Variants in AKR1C3 observed in about 807,000 individuals in gnomAD.
AKR1C3 encodes the protein 3-alpha hydroxysteroid dehydrogenase, type II.
In AKR1C3, 48 loss-of-function variants were observed where a neutral mutation model predicts 43.6. That is an observed-to-expected ratio of 1.10 (90% CI 0.87 to 1.40). The LOEUF (loss-of-function observed/expected upper bound fraction) is 1.40, where lower values mean the gene tolerates loss of function less well. Among genes scored for constraint, AKR1C3 ranks in the 40% most tolerant of loss-of-function variants. The pLI is 0.00. For synonymous variants in AKR1C3, 162 were observed against 139.6 expected, an observed-to-expected ratio of 1.16 and a Z score of -1.13; for missense variants, 482 against 391.2, an observed-to-expected ratio of 1.23 and a Z score of -1.96.
At chr10:5,105,358 T>C in intron 7 of AKR1C3, 1 of 334,056 alleles carries the variant, frequency 3.0e-6, no homozygotes, top group Admixed American at 4.4e-5. Flanking sequence ...CATTTTCTGT[T>C]GAAATTTTCT....
intron 1 of AKR1C3, among the ~76,000 whole-genome samples, chr10:5,071,923 A>G (rs1217603857): frequency 1.3e-5 from 2 of 152,178 alleles, no homozygotes; most frequent in African/African-American, 2.4e-5. Context: ...GTCATCTTGC[A>G]TAGATCATAG....
At chr10:5,079,950 G>A (rs1485414927) in intron 1 of AKR1C3, among the ~76,000 whole-genome samples, 1 of 152,226 alleles carries the variant, frequency 6.6e-6, no homozygotes, top group African/African-American at 2.4e-5. Context: ...AGGGGTATCT[G>A]CATGGTATGC....
In AKR1C3 at chr10:5,075,372, G is replaced by A. The variant is rs529182653; in HGVS notation, c.85-21038G>A. 6.0e-4 allele frequency among the ~76,000 whole-genome samples: 91 copies of A among 152,146 alleles called. No homozygotes were observed. The South Asian group carries it at 0.018, about 31-fold the overall frequency. On this transcript the variant is annotated intron_variant, in intron 1 of 8. Coordinates refer to the AKR1C3 transcript ENST00000439082. Reference sequence around the variant, plus strand: ...TCCCTTGGCCCCCACCAGCATGATCGCTCTCCCACAGAAAGACCCAAATTA... The same window carrying A: ...TCCCTTGGCCCCCACCAGCATGATCACTCTCCCACAGAAAGACCCAAATTA...
rs781884723 is a variant in AKR1C3, at chr10:5,096,398, T to A, written c.85-12T>A. 10 of 1,611,440 alleles carry A rather than the reference T, an allele frequency of 6.2e-6. No homozygotes were observed. Among genetic ancestry groups the A allele is most frequent in the Non-Finnish European group, 4.2e-6 (5 of 1,178,454 alleles). ...AGTGATCACCAGATACTACCTTTGG[T>A]TGCTCCTCCAGGTTCCGAGAAGTAA... On this transcript the variant is annotated splice_polypyrimidine_tract_variant and intron_variant, in intron 1 of 8. Transcript: ENST00000380554.
rs372480740 is a variant in AKR1C3 at position 5,099,305 on chromosome 10, C to T, written c.448-22C>T. The T allele has an allele frequency of 6.5e-5, 105 of 1,613,796 alleles. 1 individual carries two copies. The highest frequency in any genetic ancestry group is 1.7e-4 in the Middle Eastern group (1 of 6,012). On this transcript the variant is annotated intron_variant, in intron 4 of 8. Coordinates refer to ENST00000380554, the MANE Select transcript of AKR1C3 (RefSeq NM_003739.6). The stretch of plus-strand genomic sequence containing the variant: ...TTGCAGCCAACTGCACAAATAATTC[C>T]TCACAACCCCTTTCTCCACAGGCCA...
chr10:5,094,275 C>A, upstream of AKR1C3: 2 of 497,462 alleles, frequency 4.0e-6, no homozygotes, highest in Admixed American at 3.6e-5. Flanking sequence ...GAACTGAATG[C>A]AATTTTCTCC....
At chr10:5,051,264 T>A (rs1302592167) in intron 1 of AKR1C3, among the ~76,000 whole-genome samples, 1 of 152,062 alleles carries the variant, frequency 6.6e-6, no homozygotes, top group Admixed American at 6.6e-5. Context: ...CTCGCCTAAT[T>A]TTTGTATTTT....
chr10:5,086,070 T>C, intron 1 of AKR1C3, among the ~76,000 whole-genome samples: 1 of 151,996 alleles, frequency 6.6e-6, no homozygotes, highest in East Asian at 1.9e-4. Context: ...TGTGTCTCTA[T>C]TTCCTTCAGT....
At chr10:5,060,924 CA>C (rs1816365152) in intron 1 of AKR1C3, among the ~76,000 whole-genome samples, 1 of 152,232 alleles carries the variant, frequency 6.6e-6, no homozygotes, top group South Asian at 2.1e-4. Context: ...GCGGGCTGGC[CA>C]GCTGCTCCAA....
intron 1 of AKR1C3, among the ~76,000 whole-genome samples, chr10:5,061,579 G>A (rs1838384243): frequency 6.6e-6 from 1 of 152,156 alleles, no homozygotes; most frequent in African/African-American, 2.4e-5. Context: ...GCAACATTTT[G>A]GGATAATTAT....
At chr10:5,058,737 A>T (rs980784996) in intron 1 of AKR1C3, among the ~76,000 whole-genome samples, 20 of 152,176 alleles carry the variant, frequency 1.3e-4, no homozygotes, top group Admixed American at 3.3e-4. Flanking sequence ...TTTTCCTCCC[A>T]GACCACATGG....
intron 1 of AKR1C3, among the ~76,000 whole-genome samples, chr10:5,061,953 C>T (rs1298063378): frequency 1.3e-5 from 2 of 152,118 alleles, no homozygotes; most frequent in Non-Finnish European, 2.9e-5. Context: ...TCTCCAAAAT[C>T]CCAAAAATCT....
chr10:5,099,448 A>G lies in AKR1C3; in HGVS notation c.569A>G (p.Gln190Arg), dbSNP rs1839295026. The G allele has an allele frequency of 6.2e-7, 1 of 1,614,196 alleles. No individual in the cohort carries two copies. Residue 190 changes from glutamine to arginine, a missense_variant and splice_region_variant, in exon 5 of 9, where the codon CAG becomes CGG. Gln to Arg is a conservative substitution (Grantham distance 43, BLOSUM62 1). Transcript: ENST00000380554. Reference protein sequence around the residue: ...PGLKYKPVCNQVECHPYFNRS... With the variant: ...PGLKYKPVCNRVECHPYFNRS... ...CTCAAGTACAAGCCTGTCTGCAACC[A>G]GGTGAGCTCCCTTGGCCTTCTCTCC...
intron 5 of AKR1C3, 111 bp downstream of exon 5, chr10:5,099,560 T>C: frequency 6.5e-7 from 1 of 1,542,608 alleles, no homozygotes; most frequent in Non-Finnish European, 8.8e-7. Context: ...TAGAAGATTA[T>C]CTAGAGAGCA....
At chr10:5,072,439 A>G (rs910021405) in intron 1 of AKR1C3, among the ~76,000 whole-genome samples, 7 of 152,140 alleles carry the variant, frequency 4.6e-5, no homozygotes, top group African/African-American at 1.7e-4. Context: ...GTCTTAGACT[A>G]TTTTCTTAAG....
At chr10:5,105,316 A>G (rs1389216546) in intron 7 of AKR1C3, 1 of 113,356 alleles carries the variant, frequency 8.8e-6, no homozygotes, top group Non-Finnish European at 1.6e-5. Context: ...TGACCCTATC[A>G]TGTGGGCACA....
At chr10:5,096,905 CTTA>C (rs1331881846) in intron 2 of AKR1C3, among the ~76,000 whole-genome samples, 1 of 152,096 alleles carries the variant, frequency 6.6e-6, no homozygotes, top group Non-Finnish European at 1.5e-5. Flanking sequence ...TCTAAGATTT[CTTA>C]TTATTCTCTC....
At chr10:5,088,593 A>C (rs2131827536) in intron 1 of AKR1C3, among the ~76,000 whole-genome samples, 2 of 151,568 alleles carry the variant, frequency 1.3e-5, no homozygotes, top group African/African-American at 4.8e-5. Context: ...TGTCTTTTTA[A>C]AATATCATTG....
In AKR1C3 at chr10:5,105,552, A is replaced by G. The variant is rs587740356; in HGVS notation, c.847-43A>G. The G allele has an allele frequency of 1.3e-5, 19 of 1,468,856 alleles. 2 individuals carry two copies. The South Asian group carries it at 1.8e-4, about 14-fold the overall frequency. 91.0% of individuals were successfully genotyped at this position (1,468,856 alleles called of 1,614,324 possible). Reference sequence around the variant, plus strand: ...CTGTCTAATATACTTGGGGATTCACAACTGGCAATCTAAAAATAATAAAAG... The same window carrying G: ...CTGTCTAATATACTTGGGGATTCACGACTGGCAATCTAAAAATAATAAAAG... On this transcript the variant is annotated intron_variant, in intron 7 of 8. Coordinates refer to ENST00000380554, the MANE Select transcript of AKR1C3 (RefSeq NM_003739.6).
Sources: gnomAD v4.1 joint callset for allele counts (sites outside exome capture counted in the v4.1 genomes callset) on GRCh38, gnomAD v4.1.1 for gene constraint, MANE v1.5 for transcripts, NCBI Gene and HGNC (gene_info 2026-07-23, HGNC 2026-07-21) for gene names.